The following DACH1 variants were observed in gnomAD, a reference collection of about 807,000 sequenced individuals.
DACH1 encodes dachshund homolog 1.
DACH1 carries 12 observed loss-of-function variants against 54.2 expected under a neutral mutation model. The ratio of observed to expected loss-of-function variants is 0.22; its 90% CI spans 0.14 to 0.36. The LOEUF is 0.36. DACH1 is among the 10% of genes least tolerant of loss of function. DACH1 has a pLI of 1.00. For missense variants in DACH1, 805 were observed against 929.8 expected (o/e 0.87, Z 1.75); for synonymous variants, 386 against 366.2 (o/e 1.05, Z -0.62).
chr13:71,777,464 A>G (rs1052403009), intron 1 of DACH1, among the ~76,000 whole-genome samples: 1 of 152,256 alleles, frequency 6.6e-6, no homozygotes, highest in East Asian at 1.9e-4. Flanking sequence ...AATCAAACTT[A>G]GTATCACTTC....
At chr13:71,732,765 T>C (rs1452832575) in intron 1 of DACH1, among the ~76,000 whole-genome samples, 1 of 152,112 alleles carries the variant, frequency 6.6e-6, no homozygotes, top group African/African-American at 2.4e-5. Flanking sequence ...CAAAGTTGAA[T>C]AGTTGCAACA....
intron 3 of DACH1, among the ~76,000 whole-genome samples, chr13:71,624,804 G>T (rs187348554): frequency 6.6e-6 from 1 of 152,000 alleles, no homozygotes; most frequent in African/African-American, 2.4e-5. Context: ...ATCCAACTGA[G>T]AACACAGATA....
chr13:71,798,386 A>G (rs1454364372), intron 1 of DACH1, among the ~76,000 whole-genome samples: 1 of 140,716 alleles, frequency 7.1e-6, no homozygotes, highest in African/African-American at 2.7e-5. Flanking sequence ...ATTTTTTTTC[A>G]AAAACTCTTA....
chr13:71,828,081 C>T (rs1344914448), intron 1 of DACH1, among the ~76,000 whole-genome samples: 1 of 152,022 alleles, frequency 6.6e-6, no homozygotes, highest in Admixed American at 6.6e-5. Flanking sequence ...ATATCTGCAA[C>T]ACAAATTGAT....
intron 6 of DACH1, among the ~76,000 whole-genome samples, chr13:71,545,780 A>G (rs568029299): frequency 1.7e-4 from 26 of 152,240 alleles, no homozygotes; most frequent in East Asian, 7.7e-4. Flanking sequence ...TATAGCCATC[A>G]TGATTTTTTA....
At chr13:71,706,110 G>A (rs923357657) in intron 1 of DACH1, among the ~76,000 whole-genome samples, 2 of 151,814 alleles carry the variant, frequency 1.3e-5, no homozygotes, top group Non-Finnish European at 2.9e-5. Context: ...GTCAGAATAG[G>A]ATATTTTCTA....
chr13:71,759,974 A>G (rs1397227901), intron 1 of DACH1, among the ~76,000 whole-genome samples: 3 of 152,216 alleles, frequency 2.0e-5, no homozygotes, highest in Admixed American at 6.5e-5. Flanking sequence ...GCAGTTCAGG[A>G]TAGTCCCTCA....
intron 1 of DACH1, among the ~76,000 whole-genome samples, chr13:71,860,032 TA>T (rs1282772030): frequency 6.6e-6 from 1 of 151,860 alleles, no homozygotes; most frequent in Admixed American, 6.6e-5. Context: ...GGTGGGCTCT[TA>T]ATTCATAGTT....
intron 7 of DACH1, among the ~76,000 whole-genome samples, chr13:71,486,852 CTATCT>C (rs1356484707): frequency 6.0e-5 from 8 of 133,608 alleles, no homozygotes; most frequent in African/African-American, 2.2e-4. Context: ...ATCTATCTAT[CTATCT>C]ATCTGAGATG....
In DACH1 at chr13:71,833,655, G is replaced by A. The variant is rs562157846; in HGVS notation, c.848+32267C>T. 2.0e-5 allele frequency among the ~76,000 whole-genome samples: 3 copies of A among 151,958 alleles called. No individual in the cohort carries two copies. In the South Asian group the frequency reaches 6.2e-4, roughly 32 times the overall value. ...GCCTGGGTACTTTATAAGCTTTTTT[G>A]ATTTATAAGAGTATTCATTCATCTA... On this transcript the variant is annotated intron_variant, in intron 1 of 10. Transcript: ENST00000613252.
At chr13:71,729,719 T>G (rs1373102625) in intron 1 of DACH1, among the ~76,000 whole-genome samples, 1 of 152,106 alleles carries the variant, frequency 6.6e-6, no homozygotes, top group Non-Finnish European at 1.5e-5. Context: ...TAGTGTATTG[T>G]CGAAGTTTTC....
chr13:71,778,365 G>C (rs1167681500), intron 1 of DACH1, among the ~76,000 whole-genome samples: 1 of 151,866 alleles, frequency 6.6e-6, no homozygotes, highest in East Asian at 1.9e-4. Context: ...ACATTTTACT[G>C]ATCTTTGTCT....
rs927873209 is a variant in DACH1, at chr13:71,782,842, C to T, written c.848+83080G>A. Among the ~76,000 whole-genome samples, 6 of 152,196 alleles carry T rather than the reference C, an allele frequency of 3.9e-5. No homozygotes were observed. In the East Asian group the frequency reaches 5.8e-4, roughly 15 times the overall value. ...GTATTATTGCAGGCTAATAAACCAA[C>T]GAGAGGGCAGGATTTGTCAGCCAAA... On this transcript the variant is annotated intron_variant, in intron 1 of 10. Coordinates refer to ENST00000613252, the MANE Select transcript of DACH1 (RefSeq NM_080759.6).
intron 1 of DACH1, among the ~76,000 whole-genome samples, chr13:71,747,426 A>T (rs1389574216): frequency 9.2e-5 from 14 of 152,084 alleles, no homozygotes; most frequent in Non-Finnish European, 7.4e-5. Context: ...TAAAAAAATT[A>T]AAAAATTAGC....
At chr13:71,663,216 TG>T (rs1879623554) in intron 2 of DACH1, among the ~76,000 whole-genome samples, 1 of 150,786 alleles carries the variant, frequency 6.6e-6, no homozygotes, top group African/African-American at 2.4e-5. Flanking sequence ...CAAAAGTAGA[TG>T]GAGGAGTTAA....
chr13:71,608,656 C>A (rs1875068897), intron 3 of DACH1, among the ~76,000 whole-genome samples: 2 of 152,046 alleles, frequency 1.3e-5, no homozygotes, highest in Non-Finnish European at 2.9e-5. Flanking sequence ...TATATCTGTT[C>A]ACTTATAATT....
chr13:71,555,156 T>C (rs948092014), intron 6 of DACH1, among the ~76,000 whole-genome samples: 3 of 152,106 alleles, frequency 2.0e-5, no homozygotes, highest in African/African-American at 4.8e-5. Context: ...ACTTGGTAAA[T>C]AGTATGTAAG....
intron 1 of DACH1, among the ~76,000 whole-genome samples, chr13:71,767,431 A>G (rs1465451465): frequency 6.6e-6 from 1 of 152,080 alleles, no homozygotes; most frequent in Non-Finnish European, 1.5e-5. Flanking sequence ...ATCATGGTGA[A>G]TTGCTTTGGG....
At position 71,865,913 on chromosome 13, in the gene DACH1, C is replaced by T. The variant is rs759640299; in HGVS notation, c.848+9G>A. ...GCGCGGGCGGCGGGGGCTATCCCCC[C>T]CGACTCACCTTGCGTTGGTGCAGTC... On this transcript the variant is annotated intron_variant, in intron 1 of 10. Transcript: ENST00000613252. 6.3e-7 allele frequency: 1 copy of T among 1,594,406 alleles called. No individual in the cohort carries two copies. The highest frequency in any genetic ancestry group is 8.5e-7 in the Non-Finnish European group (1 of 1,169,906).
Sources: allele counts gnomAD v4.1 joint callset (sites outside exome capture counted in the v4.1 genomes callset), GRCh38; gene constraint gnomAD v4.1.1; transcripts MANE v1.5; gene names NCBI Gene and HGNC (gene_info 2026-07-23, HGNC 2026-07-21).